Variants in SNTG2 observed in about 807,000 individuals in gnomAD.
SNTG2 encodes the protein gamma-2-syntrophin.
A neutral mutation model predicts 70.9 loss-of-function variants in SNTG2; 74 were observed. That is an observed-to-expected ratio of 1.04 (90% CI 0.86 to 1.27). The LOEUF (loss-of-function observed/expected upper bound fraction) is 1.27, where lower values mean the gene tolerates loss of function less well. Among genes scored for constraint, SNTG2 ranks in the 50% most tolerant of loss-of-function variants. The pLI is 0.00. For synonymous variants in SNTG2, 278 were observed against 273.8 expected (o/e 1.02, Z -0.15); for missense variants, 717 against 690.7 (o/e 1.04, Z -0.43).
At chr2:1,058,606 T>C (rs1428277085) in intron 1 of SNTG2, among the ~76,000 whole-genome samples, 1 of 152,200 alleles carries the variant, frequency 6.6e-6, no homozygotes, top group African/African-American at 2.4e-5. Context: ...TGATTAAAGT[T>C]TGGTTGAGCA....
intron 8 of SNTG2, among the ~76,000 whole-genome samples, chr2:1,208,042 C>T (rs144869114): frequency 1.3e-5 from 2 of 152,356 alleles, no homozygotes; most frequent in East Asian, 1.9e-4. Context: ...TGTTTTCTCA[C>T]GGCGCCCCTG....
At chr2:1,018,398 G>A (rs1356829282) in intron 1 of SNTG2, among the ~76,000 whole-genome samples, 2 of 152,118 alleles carry the variant, frequency 1.3e-5, no homozygotes, top group South Asian at 2.1e-4. Context: ...TTGAAATTTG[G>A]TGCCCACTCC....
chr2:1,161,708 A>G (rs1670291493), intron 6 of SNTG2: 1 of 152,262 alleles, frequency 6.6e-6, no homozygotes, highest in Admixed American at 6.5e-5. Flanking sequence ...AAGTCCCCAA[A>G]AAATCAAGGC....
At chr2:1,179,513 T>C (rs1290604845) in intron 8 of SNTG2, among the ~76,000 whole-genome samples, 1 of 152,048 alleles carries the variant, frequency 6.6e-6, no homozygotes, top group Non-Finnish European at 1.5e-5. Flanking sequence ...TTACAAGGGA[T>C]GTGAAGGACC....
At chr2:1,057,044 G>A (rs1662507952) in intron 1 of SNTG2, among the ~76,000 whole-genome samples, 1 of 151,862 alleles carries the variant, frequency 6.6e-6, no homozygotes. Context: ...GATGCATGCC[G>A]CTTCCTCCAG....
intron 16 of SNTG2, among the ~76,000 whole-genome samples, chr2:1,350,952 AAT>A (rs1660541814): frequency 6.6e-6 from 1 of 152,004 alleles, no homozygotes; most frequent in African/African-American, 2.4e-5. Flanking sequence ...CCAATTCCTT[AAT>A]ATGTTTATTC....
At chr2:1,239,844 T>C in intron 11 of SNTG2, 68 bp downstream of exon 11, 3 of 1,556,352 alleles carry the variant, frequency 1.9e-6, no homozygotes, top group African/African-American at 1.4e-5. Flanking sequence ...TGATTCATGA[T>C]GTAACACATC....
At chr2:1,170,307 A>G (rs969845033) in intron 7 of SNTG2, among the ~76,000 whole-genome samples, 4 of 152,202 alleles carry the variant, frequency 2.6e-5, no homozygotes, top group African/African-American at 7.2e-5. Context: ...ACTACGTTGT[A>G]GAGGCATTGC....
At chr2:1,228,582 T>G (rs1174313474) in intron 9 of SNTG2, among the ~76,000 whole-genome samples, 1 of 152,186 alleles carries the variant, frequency 6.6e-6, no homozygotes, top group African/African-American at 2.4e-5. Flanking sequence ...CCACTTGGTT[T>G]TAGGAAGCTG....
intron 14 of SNTG2, among the ~76,000 whole-genome samples, chr2:1,271,458 T>C (rs1679014972): frequency 6.6e-6 from 1 of 152,034 alleles, no homozygotes; most frequent in African/African-American, 2.4e-5. Flanking sequence ...AAATTAAAAA[T>C]GTATATCTTT....
At chr2:1,098,485 A>T (rs1449243687) in intron 4 of SNTG2, 75 bp downstream of exon 4, 2 of 1,457,620 alleles carry the variant, frequency 1.4e-6, no homozygotes, top group Non-Finnish European at 1.9e-6. Context: ...AATGATAAAA[A>T]TCAGCAGATA....
At chr2:987,484 G>A (rs1053463917) in intron 1 of SNTG2, among the ~76,000 whole-genome samples, 6 of 151,902 alleles carry the variant, frequency 3.9e-5, no homozygotes, top group African/African-American at 7.3e-5. Flanking sequence ...GATTGTCAGC[G>A]TCAGAGGAGA....
rs1444130881 is a variant in SNTG2, at chr2:1,149,673, T to A, written c.411+11864T>A. Among the ~76,000 whole-genome samples, 3 of 1,350 alleles carry A rather than the reference T, an allele frequency of 2.2e-3. No homozygotes were observed. The Non-Finnish European group carries it at 0.025, about 11-fold the overall frequency. 0.9% of individuals were successfully genotyped at this position (1,350 alleles called of 152,430 possible). ...AACAGATTGATGAAGTTGATTAGCG[T>A]TTTTTTTTTTTTTTTTTTTTTTTTT... On this transcript the variant is annotated intron_variant, in intron 6 of 16. Transcript: ENST00000308624.
intron 1 of SNTG2, among the ~76,000 whole-genome samples, chr2:1,068,930 C>T (rs747998308): frequency 1.3e-5 from 2 of 152,348 alleles, no homozygotes; most frequent in East Asian, 1.9e-4. Flanking sequence ...GGGCCGTACT[C>T]ATTGACTAGA....
intron 9 of SNTG2, among the ~76,000 whole-genome samples, chr2:1,231,305 A>G (rs781475227): frequency 2.6e-5 from 4 of 152,092 alleles, no homozygotes; most frequent in African/African-American, 7.2e-5. Context: ...GGATAATGAC[A>G]ATGCCTCTTC....
At chr2:1,023,709 A>T (rs561107980) in intron 1 of SNTG2, among the ~76,000 whole-genome samples, 1 of 152,180 alleles carries the variant, frequency 6.6e-6, no homozygotes, top group Non-Finnish European at 1.5e-5. Flanking sequence ...CACTGTCAGC[A>T]CATCTGCACC....
At chr2:957,842 G>A (rs1398959475) in intron 1 of SNTG2, among the ~76,000 whole-genome samples, 1 of 152,166 alleles carries the variant, frequency 6.6e-6, no homozygotes, top group Non-Finnish European at 1.5e-5. Context: ...CTGGACTTCT[G>A]GCTTCCAGAA....
Position 1,247,620 on chromosome 2 carries a change from A to G in SNTG2, c.1005+177A>G, listed in dbSNP as rs143621210. ...TGTAGATTGCTTATTTCTTGCTCCA[A>G]ATTTATAAATTAACCCATTTCTTTC... On this transcript the variant is annotated intron_variant, in intron 12 of 16. Transcript: ENST00000308624. Among the ~76,000 whole-genome samples, 332 of 152,242 alleles carry G rather than the reference A, an allele frequency of 2.2e-3. 5 individuals carry two copies. Among genetic ancestry groups the G allele is most frequent in the African/African-American group, 7.3e-3 (303 of 41,526 alleles).
chr2:1,244,512 C>T (rs1032799323), intron 11 of SNTG2, among the ~76,000 whole-genome samples: 1 of 151,772 alleles, frequency 6.6e-6, no homozygotes, highest in Non-Finnish European at 1.5e-5. Flanking sequence ...CTGGCTAACA[C>T]GGTGAAACCC....
Sources: gnomAD v4.1 joint callset for allele counts (sites outside exome capture counted in the v4.1 genomes callset) on GRCh38, gnomAD v4.1.1 for gene constraint, MANE v1.5 for transcripts, NCBI Gene and HGNC (gene_info 2026-07-23, HGNC 2026-07-21) for gene names.